TMEM132D: variants seen among roughly 807,000 people sequenced by gnomAD.
The protein encoded by TMEM132D is transmembrane protein 132D.
Under a neutral mutation model 62.3 loss-of-function variants are expected in TMEM132D, and 21 were observed. That is an observed-to-expected ratio of 0.34 (90% CI 0.24 to 0.49). TMEM132D has a LOEUF of 0.49. Ranked by LOEUF, TMEM132D falls within the 20% of genes least tolerant of loss-of-function variation. The pLI, the probability that TMEM132D is intolerant of heterozygous loss-of-function variation, is 0.99. For synonymous variants in TMEM132D, 621 were observed against 575.6 expected (o/e 1.08, Z -1.13); for missense variants, 1,346 against 1,402.8 (o/e 0.96, Z 0.65).
chr12:129,767,487 A>G (rs1486598759), intron 1 of TMEM132D, among the ~76,000 whole-genome samples: 2 of 152,104 alleles, frequency 1.3e-5, no homozygotes, highest in Admixed American at 1.3e-4. Flanking sequence ...TCAGTAAAAA[A>G]CAAATCCTAT....
At chr12:129,430,176 T>C (rs1443995391) in intron 3 of TMEM132D, among the ~76,000 whole-genome samples, 1 of 152,020 alleles carries the variant, frequency 6.6e-6, no homozygotes, top group South Asian at 2.1e-4. Flanking sequence ...CCACAATGGT[T>C]GAACTAGTTT....
intron 1 of TMEM132D, among the ~76,000 whole-genome samples, chr12:129,708,603 G>T (rs1473599974): frequency 1.0e-5 from 1 of 95,724 alleles, no homozygotes; most frequent in South Asian, 4.3e-4. Context: ...CCAAGTAGAG[G>T]CTCAGGTAAA....
intron 2 of TMEM132D, among the ~76,000 whole-genome samples, chr12:129,533,333 G>A (rs1011927635): frequency 6.6e-6 from 1 of 152,190 alleles, no homozygotes; most frequent in Admixed American, 6.5e-5. Context: ...TTCCTGCCTT[G>A]CAGAAACTCA....
chr12:129,736,364 T>A (rs1415651003), intron 1 of TMEM132D, among the ~76,000 whole-genome samples: 1 of 152,214 alleles, frequency 6.6e-6, no homozygotes, highest in Non-Finnish European at 1.5e-5. Flanking sequence ...GAGAAATGTA[T>A]TTTGTATCTG....
At chr12:129,167,198 T>C (rs1186639479) in intron 5 of TMEM132D, among the ~76,000 whole-genome samples, 2 of 148,646 alleles carry the variant, frequency 1.3e-5, no homozygotes, top group Admixed American at 6.7e-5. Context: ...CCAACATGGG[T>C]AGCAAACAGA....
intron 5 of TMEM132D, among the ~76,000 whole-genome samples, chr12:129,122,335 TA>T (rs1224914672): frequency 6.6e-6 from 1 of 152,148 alleles, no homozygotes; most frequent in Non-Finnish European, 1.5e-5. Flanking sequence ...TAAAGTGGCT[TA>T]ACAGAGTTTT....
chr12:129,478,310 C>T (rs1053098641), intron 3 of TMEM132D, among the ~76,000 whole-genome samples: 4 of 152,158 alleles, frequency 2.6e-5, no homozygotes, highest in Non-Finnish European at 4.4e-5. Flanking sequence ...ACTTAGGCTA[C>T]ATTACATTTA....
chr12:129,810,442 G>C (rs548802325), intron 1 of TMEM132D, among the ~76,000 whole-genome samples: 3 of 152,002 alleles, frequency 2.0e-5, no homozygotes, highest in Admixed American at 1.3e-4. Context: ...CATTGTTTTT[G>C]GTAGTATGTG....
At chr12:129,850,155 G>C (rs547474261) in intron 1 of TMEM132D, among the ~76,000 whole-genome samples, 1 of 152,068 alleles carries the variant, frequency 6.6e-6, no homozygotes, top group Admixed American at 6.5e-5. Flanking sequence ...GAAAGAAGTG[G>C]TGGATCTCTC....
At chr12:129,302,271 T>C (rs922176541) in intron 4 of TMEM132D, among the ~76,000 whole-genome samples, 6 of 152,214 alleles carry the variant, frequency 3.9e-5, no homozygotes, top group Non-Finnish European at 7.3e-5. Context: ...TGCACCACCA[T>C]ACCCGGCTAA....
intron 3 of TMEM132D, among the ~76,000 whole-genome samples, chr12:129,399,639 C>CA (rs61117388): frequency 0.064 from 8,349 of 130,626 alleles, 607 homozygotes; most frequent in East Asian, 0.38. Flanking sequence ...GAGGACGTCT[C>CA]AAAAAAAAAA....
chr12:129,250,159 A>C (rs969706628), intron 4 of TMEM132D, among the ~76,000 whole-genome samples: 4 of 152,146 alleles, frequency 2.6e-5, no homozygotes, highest in Admixed American at 2.0e-4. Context: ...GCGGGGTAGC[A>C]AATACCCCAA....
intron 3 of TMEM132D, among the ~76,000 whole-genome samples, chr12:129,520,243 C>T (rs1875811048): frequency 6.6e-6 from 1 of 152,192 alleles, no homozygotes; most frequent in Non-Finnish European, 1.5e-5. Flanking sequence ...CAGTGAAATG[C>T]TTAATACCAT....
chr12:129,512,306 T>C (rs1170764439), intron 3 of TMEM132D, among the ~76,000 whole-genome samples: 3 of 152,160 alleles, frequency 2.0e-5, no homozygotes, highest in Non-Finnish European at 4.4e-5. Context: ...TCAGAGTAAA[T>C]CTCAAGATTT....
intron 4 of TMEM132D, among the ~76,000 whole-genome samples, chr12:129,223,375 T>C (rs1879398404): frequency 2.6e-5 from 4 of 152,166 alleles, no homozygotes; most frequent in Admixed American, 2.6e-4. Context: ...GAAGAAGCCC[T>C]GGCCACATGG....
chr12:129,877,482 A>G (rs1220688113), intron 1 of TMEM132D, among the ~76,000 whole-genome samples: 4 of 152,220 alleles, frequency 2.6e-5, no homozygotes, highest in East Asian at 3.9e-4. Flanking sequence ...CGTAAAACAG[A>G]TAAGGTCACA....
chr12:129,849,877 C>T (rs983328304), intron 1 of TMEM132D, among the ~76,000 whole-genome samples: 1 of 152,148 alleles, frequency 6.6e-6, no homozygotes, highest in Admixed American at 6.5e-5. Flanking sequence ...CTTGGTGCTG[C>T]GTGACCCCTG....
chr12:129,432,223 T>C (rs186747165), intron 3 of TMEM132D, among the ~76,000 whole-genome samples: 16 of 132,078 alleles, frequency 1.2e-4, no homozygotes, highest in Admixed American at 1.1e-3. Context: ...GGATGGATGC[T>C]TGGATGGATG....
chr12:129,337,933 G>T, intron 3 of TMEM132D, 116 bp from the exon 4 acceptor site: 1 of 1,061,112 alleles, frequency 9.4e-7, no homozygotes, highest in Non-Finnish European at 1.3e-6. Flanking sequence ...GGAACCAAGC[G>T]CACACATCTC....
Sources: allele counts gnomAD v4.1 joint callset (sites outside exome capture counted in the v4.1 genomes callset), GRCh38; gene constraint gnomAD v4.1.1; transcripts MANE v1.5; gene names NCBI Gene and HGNC (gene_info 2026-07-23, HGNC 2026-07-21).